The following NLGN1 variants were observed in gnomAD, a reference collection of about 807,000 sequenced individuals.
The protein encoded by NLGN1 is neuroligin-1.
In NLGN1, 12 loss-of-function variants were observed where a neutral mutation model predicts 65.5. That is an observed-to-expected ratio of 0.18 (90% CI 0.12 to 0.30). NLGN1 has a LOEUF of 0.30. Ranked by LOEUF, NLGN1 falls within the 10% of genes least tolerant of loss-of-function variation. NLGN1 has a pLI of 1.00. For synonymous variants in NLGN1, 350 were observed against 359.5 expected, an observed-to-expected ratio of 0.97 and a Z score of 0.30; for missense variants, 750 against 1,007.1, an observed-to-expected ratio of 0.74 and a Z score of 3.46.
At position 173,888,200 on chromosome 3, in the gene NLGN1, A is replaced by G. The variant is rs1187804752; in HGVS notation, c.646+80368A>G. Among the ~76,000 whole-genome samples, 5 of 152,144 alleles carry G rather than the reference A, an allele frequency of 3.3e-5. No homozygotes were observed. In the East Asian group the frequency reaches 9.7e-4, roughly 29 times the overall value. On this transcript the variant is annotated intron_variant, in intron 4 of 6. Transcript: ENST00000457714. The stretch of plus-strand genomic sequence containing the variant: ...TAATTGATTTAATAATAGATAGCTT[A>G]AAGCACAGTGAGATACAGTCATCCC...
At chr3:173,466,938 G>T (rs1302202776) in intron 2 of NLGN1, among the ~76,000 whole-genome samples, 5 of 151,904 alleles carry the variant, frequency 3.3e-5, no homozygotes, top group Non-Finnish European at 5.9e-5. Context: ...TTTCAAAAAT[G>T]GATTCAAAAA....
At chr3:173,926,626 T>C (rs1387470945) in intron 4 of NLGN1, among the ~76,000 whole-genome samples, 3 of 152,228 alleles carry the variant, frequency 2.0e-5, no homozygotes, top group Non-Finnish European at 4.4e-5. Context: ...GAATCTCGTT[T>C]CTTTTACCTC....
intron 4 of NLGN1, among the ~76,000 whole-genome samples, chr3:174,189,848 T>C (rs1243365560): frequency 6.6e-6 from 1 of 151,958 alleles, no homozygotes; most frequent in Non-Finnish European, 1.5e-5. Flanking sequence ...TTGCAAAACT[T>C]AACAAATGAG....
At chr3:173,801,992 A>T (rs1715541442) in intron 3 of NLGN1, among the ~76,000 whole-genome samples, 1 of 151,968 alleles carries the variant, frequency 6.6e-6, no homozygotes. Flanking sequence ...AAAATCCTTA[A>T]CTCCTAGAAT....
chr3:173,848,313 T>C (rs1348258610), intron 4 of NLGN1, among the ~76,000 whole-genome samples: 1 of 152,168 alleles, frequency 6.6e-6, no homozygotes. Context: ...TTATAATCTC[T>C]GACAGACAGT....
chr3:173,682,421 G>T (rs769902255), intron 3 of NLGN1, among the ~76,000 whole-genome samples: 2 of 151,248 alleles, frequency 1.3e-5, no homozygotes, highest in Non-Finnish European at 3.0e-5. Context: ...AACCCCATCT[G>T]TACTAAAAAT....
intron 4 of NLGN1, among the ~76,000 whole-genome samples, chr3:173,970,755 T>C (rs1248646108): frequency 1.3e-5 from 2 of 152,140 alleles, no homozygotes; most frequent in Non-Finnish European, 2.9e-5. Flanking sequence ...AGTGTCCTTA[T>C]CTGCAAAATA....
At chr3:173,507,318 A>G (rs1220955768) in intron 2 of NLGN1, among the ~76,000 whole-genome samples, 1 of 152,022 alleles carries the variant, frequency 6.6e-6, no homozygotes, top group Non-Finnish European at 1.5e-5. Flanking sequence ...GAATCTTTTC[A>G]TGGTTTGTAA....
chr3:173,927,979 C>A (rs1029115451), intron 4 of NLGN1, among the ~76,000 whole-genome samples: 32 of 152,098 alleles, frequency 2.1e-4, no homozygotes, highest in African/African-American at 7.7e-4. Flanking sequence ...GTAGAACACC[C>A]CTCTGAGTAG....
chr3:174,094,868 TCACTC>T (rs1316160623), intron 4 of NLGN1, among the ~76,000 whole-genome samples: 2 of 151,282 alleles, frequency 1.3e-5, no homozygotes, highest in Non-Finnish European at 2.9e-5. Context: ...GAACAGCAGG[TCACTC>T]CATTTGAAAA....
chr3:173,916,745 G>C (rs1015365883), intron 4 of NLGN1, among the ~76,000 whole-genome samples: 26 of 152,128 alleles, frequency 1.7e-4, no homozygotes, highest in African/African-American at 6.0e-4. Context: ...TAGGATGCGT[G>C]TTCTAGTTTA....
At chr3:173,461,574 TAGAA>T (rs1311786205) in intron 2 of NLGN1, among the ~76,000 whole-genome samples, 1 of 152,084 alleles carries the variant, frequency 6.6e-6, no homozygotes, top group Non-Finnish European at 1.5e-5. Flanking sequence ...ATATGAGAAA[TAGAA>T]TAATAATAAT....
intron 2 of NLGN1, among the ~76,000 whole-genome samples, chr3:173,585,402 C>A (rs533487568): frequency 6.6e-6 from 1 of 152,246 alleles, no homozygotes; most frequent in South Asian, 2.1e-4. Context: ...GGTGCTTCGG[C>A]CGCCGTTTCT....
chr3:173,752,700 A>G (rs1560299222), intron 3 of NLGN1, among the ~76,000 whole-genome samples: 3 of 152,012 alleles, frequency 2.0e-5, no homozygotes, highest in Admixed American at 2.0e-4. Flanking sequence ...ACTAAACCAC[A>G]TTGAATGGGT....
intron 4 of NLGN1, among the ~76,000 whole-genome samples, chr3:173,851,718 A>G (rs1457375170): frequency 6.6e-6 from 1 of 152,162 alleles, no homozygotes; most frequent in African/African-American, 2.4e-5. Flanking sequence ...GGGATATATT[A>G]AAATTTTGAT....
intron 3 of NLGN1, among the ~76,000 whole-genome samples, chr3:173,662,573 C>T (rs561175041): frequency 1.3e-5 from 2 of 152,052 alleles, no homozygotes; most frequent in East Asian, 3.9e-4. Flanking sequence ...TCTATTCTTA[C>T]TCCTTTTGAA....
intron 4 of NLGN1, among the ~76,000 whole-genome samples, chr3:174,182,312 A>G (rs528227652): frequency 6.6e-6 from 1 of 152,304 alleles, no homozygotes; most frequent in South Asian, 2.1e-4. Flanking sequence ...GCTTAAAGTA[A>G]CACTCCCTAT....
chr3:173,400,419 C>A (rs937378107), intron 1 of NLGN1, among the ~76,000 whole-genome samples: 2 of 152,126 alleles, frequency 1.3e-5, no homozygotes, highest in Non-Finnish European at 2.9e-5. Context: ...TCCTGGCCCC[C>A]CTTCTGAATT....
At chr3:173,902,744 C>G (rs1451527197) in intron 4 of NLGN1, among the ~76,000 whole-genome samples, 2 of 152,138 alleles carry the variant, frequency 1.3e-5, no homozygotes, top group South Asian at 2.1e-4. Context: ...CAAGAGAGAA[C>G]ATGATTATAA....
Sources: gnomAD v4.1 joint callset for allele counts (sites outside exome capture counted in the v4.1 genomes callset) on GRCh38, gnomAD v4.1.1 for gene constraint, MANE v1.5 for transcripts, NCBI Gene and HGNC (gene_info 2026-07-23, HGNC 2026-07-21) for gene names.